The following ZNF552 variants were observed in gnomAD, a reference collection of about 807,000 sequenced individuals.
ZNF552 encodes the protein zinc finger protein 552.
In ZNF552, 2 loss-of-function variants were observed where a neutral mutation model predicts 7.2. That is an observed-to-expected ratio of 0.28 (90% CI 0.11 to 0.88). The LOEUF is 0.88. Among genes scored for constraint, ZNF552 ranks in the 40% least tolerant of loss-of-function variants. ZNF552 has a pLI of 0.60. For synonymous variants in ZNF552, 173 were observed against 176.5 expected (o/e 0.98, Z 0.16); for missense variants, 421 against 493.4 (o/e 0.85, Z 1.39).
Position 57,809,108 on chromosome 19 carries a change from A to G in ZNF552, c.161-5T>C. On this transcript the variant is annotated splice_polypyrimidine_tract_variant and splice_region_variant and intron_variant, in intron 2 of 2. Coordinates refer to ENST00000391701, the MANE Select transcript of ZNF552 (RefSeq NM_024762.3). The stretch of plus-strand genomic sequence containing the variant: ...CTTCCACTCCACACCAACAACCTGA[A>G]AGCAAGAAAATGCTGGTGAAGTGCA... 1 of 1,538,896 alleles carries G rather than the reference A, an allele frequency of 6.5e-7. No individual in the cohort carries two copies.
Position 57,814,752 on chromosome 19 carries a change from G to A in ZNF552, c.-9C>T, listed in dbSNP as rs1987928787. The A allele has an allele frequency of 1.2e-6, 2 of 1,613,870 alleles. No homozygotes were observed. The highest frequency in any genetic ancestry group is 1.1e-5 in the South Asian group (1 of 91,086). Reference sequence around the variant, plus strand: ...AGCGCGGCCGCCGCCATGGGACCACGTGGGGTAAGCTGGGTTGAGAGCAGC... The same window carrying A: ...AGCGCGGCCGCCGCCATGGGACCACATGGGGTAAGCTGGGTTGAGAGCAGC... On this transcript the variant is annotated 5_prime_UTR_variant, in exon 1 of 3. The change creates a new upstream start codon in the 5' untranslated region. Coordinates refer to ENST00000391701, the MANE Select transcript of ZNF552 (RefSeq NM_024762.3).
intron 1 of ZNF552, chr19:57,814,296 T>A (rs1357160204): frequency 3.3e-6 from 2 of 599,824 alleles, no homozygotes; most frequent in Admixed American, 3.0e-5. Flanking sequence ...CTCTCTACTC[T>A]GTTATTTATT....
intron 2 of ZNF552, among the ~76,000 whole-genome samples, chr19:57,811,051 A>C (rs1432318370): frequency 6.6e-6 from 1 of 152,188 alleles, no homozygotes; most frequent in Non-Finnish European, 1.5e-5. Context: ...GACCTGCCAC[A>C]TGGTAGAGAT....
intron 1 of ZNF552, among the ~76,000 whole-genome samples, chr19:57,814,147 C>A (rs2122151896): frequency 6.6e-6 from 1 of 152,244 alleles, no homozygotes; most frequent in Non-Finnish European, 1.5e-5. Flanking sequence ...TAAGCTCAGG[C>A]CTCCCTGAAC....
Position 57,814,771 on chromosome 19 carries a change from G to C in ZNF552, c.-28C>G, listed in dbSNP as rs764022538. On this transcript the variant is annotated 5_prime_UTR_variant, in exon 1 of 3. Transcript: ENST00000391701. ...GACCACGTGGGGTAAGCTGGGTTGA[G>C]AGCAGCGGGCGCCGTTAAAGAGCTG... 12 of 1,610,950 alleles carry C rather than the reference G, an allele frequency of 7.4e-6. No individual in the cohort carries two copies. The East Asian group carries it at 2.5e-4, about 33-fold the overall frequency.
chr19:57,812,432 A>G (rs1987875078), intron 2 of ZNF552, among the ~76,000 whole-genome samples: 1 of 151,560 alleles, frequency 6.6e-6, no homozygotes, highest in African/African-American at 2.4e-5. Context: ...ACCACAGAAG[A>G]TGATCCCACC....
rs1409700608 is a variant in ZNF552, at chr19:57,807,194, C to T, written c.*846G>A. 1 of 152,102 alleles carries T rather than the reference C, an allele frequency of 6.6e-6. No homozygotes were observed. The highest frequency in any genetic ancestry group is 1.9e-4 in the East Asian group (1 of 5,206). 9.4% of individuals were successfully genotyped at this position (152,102 alleles called of 1,614,324 possible). ...CATAGAGAAAAACTTTATAAAGGCT[C>T]CAGGTGAATACAAAGGTGATAGATT... is the stretch of plus-strand genomic sequence containing the variant. On this transcript the variant is annotated 3_prime_UTR_variant, in exon 3 of 3. Coordinates refer to ENST00000391701, the MANE Select transcript of ZNF552 (RefSeq NM_024762.3).
chr19:57,813,520 G>A, intron 1 of ZNF552, 100 bp from the exon 2 acceptor site: 1 of 1,449,706 alleles, frequency 6.9e-7, no homozygotes, highest in Non-Finnish European at 9.4e-7. Flanking sequence ...CTCCTCTCAA[G>A]GTCCTCAAAC....
At chr19:57,814,358 T>C in intron 1 of ZNF552, 1 of 708,842 alleles carries the variant, frequency 1.4e-6, no homozygotes, top group East Asian at 2.7e-5. Flanking sequence ...CCCTTCTTTC[T>C]TGGAAATTCT....
chr19:57,814,652 T>C, intron 1 of ZNF552, 59 bp downstream of exon 1: 2 of 1,613,812 alleles, frequency 1.2e-6, no homozygotes, highest in Non-Finnish European at 1.7e-6. Context: ...GCTCCCTCGC[T>C]GCTTTAGGAC....
rs751123428 is a variant in ZNF552, at chr19:57,808,497, C to G, written c.767G>C (p.Ser256Thr). 5 of 1,613,692 alleles carry G rather than the reference C, an allele frequency of 3.1e-6. No homozygotes were observed. In the African/African-American group the frequency reaches 5.3e-5, roughly 17 times the overall value. Residue 256 changes from serine to threonine, a missense_variant, in exon 3 of 3, where the codon AGT (serine) becomes ACT (threonine). Around this residue, in one of 2 missense-constraint regions of ZNF552, gnomAD observed 299 missense variants for 293.7 expected, o/e 1.02. Transcript: ENST00000391701. The stretch of plus-strand genomic sequence containing the variant: ...TCTAGTGTGAACTCCTTGATGATTA[C>G]TGAAGCTGTCATATTTGCTAGAGGA... ...GKSSSKYDSF[S>T]NHQGVHTREK...
Position 57,808,934 on chromosome 19 carries a change from C to T in ZNF552, c.330G>A (p.Gln110=), listed in dbSNP as rs771879102. The change falls in exon 3 of 3, where the codon CAG becomes CAA. Residue 110 remains glutamine, a synonymous_variant. Coordinates refer to ENST00000391701, the MANE Select transcript of ZNF552 (RefSeq NM_024762.3). ...GCAGTTTCTGCTTGTGATGTGTTCC[C>T]TGATGATCTGCCACATGCAAAATGT... ...LGDILHVADH[Q]GTHHKQKLHR... The T allele has an allele frequency of 1.2e-6, 2 of 1,607,354 alleles. No individual in the cohort carries two copies. The highest frequency in any genetic ancestry group is 1.7e-6 in the Non-Finnish European group (2 of 1,175,692).
intron 2 of ZNF552, 113 bp downstream of exon 2, chr19:57,813,181 C>A (rs1319677105): frequency 6.5e-7 from 1 of 1,531,444 alleles, no homozygotes; most frequent in East Asian, 2.3e-5. Flanking sequence ...CAACCAAGAA[C>A]TGAAGTAGGA....
Position 57,808,421 on chromosome 19 carries a change from G to C in ZNF552, c.843C>G (p.Ser281=), listed in dbSNP as rs746262953. The C allele has an allele frequency of 5.0e-6, 8 of 1,613,754 alleles. No individual in the cohort carries two copies. The highest frequency in any genetic ancestry group is 6.8e-6 in the Non-Finnish European group (8 of 1,179,882). The part of the protein sequence containing the change: ...GICGKLFNSK[S]HLLVHQRIHT... ...GAATTCTCTGGTGTACAAGGAGGTG[G>C]GACTTACTGTTAAATAATTTCCCAC... Residue 281 remains serine, a synonymous_variant, in exon 3 of 3, where the codon TCC becomes TCG. Transcript: ENST00000391701.
At position 57,814,795 on chromosome 19, in the gene ZNF552, T is replaced by G; in HGVS notation, c.-52A>C. ...AGAGCAGCGGGCGCCGTTAAAGAGC[T>G]GCAGAGTCACGTCTGTGCAAAGAGA... is the stretch of plus-strand genomic sequence containing the variant. On this transcript the variant is annotated 5_prime_UTR_variant, in exon 1 of 3. Transcript: ENST00000391701. 1 of 1,584,114 alleles carries G rather than the reference T, an allele frequency of 6.3e-7. No individual in the cohort carries two copies. Among genetic ancestry groups the G allele is most frequent in the Non-Finnish European group, 8.6e-7 (1 of 1,158,134 alleles).
At chr19:57,814,564 T>C (rs1488833657) in intron 1 of ZNF552, 147 bp downstream of exon 1, 1 of 1,551,462 alleles carries the variant, frequency 6.4e-7, no homozygotes, top group African/African-American at 1.4e-5. Context: ...CCCACGGGTG[T>C]CTGAAACAGG....
intron 2 of ZNF552, among the ~76,000 whole-genome samples, chr19:57,811,195 C>T (rs1361714390): frequency 6.6e-6 from 1 of 151,680 alleles, no homozygotes; most frequent in Non-Finnish European, 1.5e-5. Context: ...TTTATTGAGA[C>T]GGAGTCTCGC....
chr19:57,808,970 C>G lies in ZNF552; in HGVS notation c.294G>C (p.Pro98=), dbSNP rs572237171. 3.8e-5 allele frequency: 61 copies of G among 1,591,216 alleles called. No homozygotes were observed. Among genetic ancestry groups the G allele is most frequent in the Non-Finnish European group, 4.7e-5 (55 of 1,167,230 alleles). The change falls in exon 3 of 3, where the codon CCG becomes CCC. Residue 98 remains proline (P), a synonymous_variant. Coordinates refer to ENST00000391701, the MANE Select transcript of ZNF552 (RefSeq NM_024762.3). Reference sequence around the variant, plus strand: ...CCACATGCAAAATGTCTCCCAAGATCGGGCCACACATCTCACAGGGGTGGG... The same window carrying G: ...CCACATGCAAAATGTCTCCCAAGATGGGGCCACACATCTCACAGGGGTGGG... The part of the protein sequence containing the change: ...KKAHPCEMCG[P]ILGDILHVAD...
chr19:57,813,448 CA>C (rs1987896171), intron 1 of ZNF552, 28 bp from the exon 2 acceptor site: 1 of 1,608,536 alleles, frequency 6.2e-7, no homozygotes, highest in African/African-American at 1.3e-5. Flanking sequence ...GATGAAACCA[CA>C]AACCACCCCT....
Sources: gnomAD v4.1 joint callset for allele counts (sites outside exome capture counted in the v4.1 genomes callset) on GRCh38, gnomAD v4.1.1 for gene constraint, gnomAD v4.1.1 regional missense constraint, MANE v1.5 for transcripts, NCBI Gene and HGNC (gene_info 2026-07-23, HGNC 2026-07-21) for gene names.